Variants in THSD7B observed in about 807,000 individuals in gnomAD.
THSD7B encodes the protein thrombospondin type-1 domain-containing protein 7B.
A neutral mutation model predicts 213.6 loss-of-function variants in THSD7B; 138 were observed. The observed-to-expected ratio is 0.65, with a 90% CI of 0.56 to 0.74. The LOEUF (loss-of-function observed/expected upper bound fraction) is 0.74. Ranked by LOEUF, THSD7B falls within the 30% of genes least tolerant of loss-of-function variation. THSD7B has a pLI of 0.00. For synonymous variants in THSD7B, 742 were observed against 687.0 expected, an observed-to-expected ratio of 1.08 and a Z score of -1.25; for missense variants, 1,931 against 1,991.5, an observed-to-expected ratio of 0.97 and a Z score of 0.58.
At chr2:137,141,685 G>A (rs554021673) in intron 5 of THSD7B, among the ~76,000 whole-genome samples, 10 of 14,676 alleles carry the variant, frequency 6.8e-4, no homozygotes, top group African/African-American at 9.6e-4. Context: ...GTGTATGTGC[G>A]TGTGTGTGTG....
chr2:136,833,370 A>AAAC (rs1682789104), intron 1 of THSD7B, among the ~76,000 whole-genome samples: 1 of 140,368 alleles, frequency 7.1e-6, no homozygotes, highest in Non-Finnish European at 1.5e-5. Context: ...TCTCAAAAAA[A>AAAC]AAAAAAAAAA....
chr2:137,497,907 G>A (rs1184220287), intron 15 of THSD7B, among the ~76,000 whole-genome samples: 1 of 152,058 alleles, frequency 6.6e-6, no homozygotes, highest in Non-Finnish European at 1.5e-5. Context: ...AAACCCCAAG[G>A]AAATATTTTT....
chr2:136,963,101 A>G (rs1042513599), intron 2 of THSD7B, among the ~76,000 whole-genome samples: 7 of 152,228 alleles, frequency 4.6e-5, no homozygotes, highest in Non-Finnish European at 1.0e-4. Flanking sequence ...TTACAAAATT[A>G]AAACAATGTA....
chr2:137,385,196 AG>A (rs1368286699), intron 12 of THSD7B, among the ~76,000 whole-genome samples: 1 of 152,222 alleles, frequency 6.6e-6, no homozygotes, highest in Non-Finnish European at 1.5e-5. Context: ...ATTTTAAACA[AG>A]AAAGAAACTA....
chr2:137,238,465 G>A (rs12464826), intron 9 of THSD7B, among the ~76,000 whole-genome samples: 55,221 of 147,006 alleles, frequency 0.38, 10,247 homozygotes, highest in East Asian at 0.5. Context: ...ACTAAAGTAT[G>A]ATATAAATTT....
At chr2:137,500,025 T>A (rs1679664343) in intron 15 of THSD7B, among the ~76,000 whole-genome samples, 1 of 152,174 alleles carries the variant, frequency 6.6e-6, no homozygotes, top group South Asian at 2.1e-4. Flanking sequence ...TATGTAATCC[T>A]TGACAATACA....
At chr2:137,258,929 T>C (rs967545990) in intron 10 of THSD7B, among the ~76,000 whole-genome samples, 1 of 151,924 alleles carries the variant, frequency 6.6e-6, no homozygotes. Flanking sequence ...AGTGAGAACA[T>C]GCGGTGTTTG....
chr2:137,424,460 A>G (rs935376795), intron 14 of THSD7B, among the ~76,000 whole-genome samples: 1 of 152,220 alleles, frequency 6.6e-6, no homozygotes, highest in African/African-American at 2.4e-5. Flanking sequence ...GCCCTGATAA[A>G]TGTAGATGCA....
chr2:136,991,040 TG>T (rs1427699806), intron 2 of THSD7B: 1 of 940,242 alleles, frequency 1.1e-6, no homozygotes, highest in Non-Finnish European at 1.5e-6. Flanking sequence ...GAAAGAAAGA[TG>T]GTTATGTGTT....
intron 12 of THSD7B, among the ~76,000 whole-genome samples, chr2:137,352,281 G>A (rs1436486189): frequency 5.9e-5 from 9 of 151,962 alleles, no homozygotes; most frequent in Admixed American, 6.6e-5. Flanking sequence ...CCTCACTTTT[G>A]GCATCTGCCT....
chr2:137,659,589 G>T lies in THSD7B; in HGVS notation c.4376-75G>T, dbSNP rs1683303617. The T allele has an allele frequency of 4.3e-6, 6 of 1,405,612 alleles. No individual in the cohort carries two copies. The Admixed American group carries it at 9.6e-5, about 23-fold the overall frequency. 87.1% of individuals were successfully genotyped at this position (1,405,612 alleles called of 1,614,324 possible). ...TGTTGCAAAGAGGCCGGTGGCACAG[G>T]TTAAAAAAAAATACCAAAAAATTAG... is the stretch of plus-strand genomic sequence containing the variant. On this transcript the variant is annotated intron_variant, in intron 24 of 27. Transcript: ENST00000409968.
intron 14 of THSD7B, among the ~76,000 whole-genome samples, chr2:137,442,463 G>T (rs9967743): frequency 0.083 from 12,602 of 151,990 alleles, 1,104 homozygotes; most frequent in African/African-American, 0.22. Context: ...AGTCTCGGTG[G>T]TTGAAAGCCA....
rs70978233 is a variant in THSD7B, at chr2:137,512,382, C to CTTT, written c.3139-50814_3139-50812dup. ...AATGATTATTAGTTACATTTATTTC[C>CTTT]TTTTTTTTTTTTTTTTTTTTTTTTT... On this transcript the variant is annotated intron_variant, in intron 15 of 27. Coordinates refer to ENST00000409968, the MANE Select transcript of THSD7B (RefSeq NM_001316349.2). 3.5e-3 allele frequency among the ~76,000 whole-genome samples: 283 copies of CTTT among 81,370 alleles called. 29 individuals are homozygous for CTTT. The highest frequency in any genetic ancestry group is 0.013 in the Admixed American group (81 of 6,232). The allele number at this position is 81,370 out of a possible 152,430, so 53.4% of individuals were successfully genotyped here. A position where few individuals can be genotyped will look rare whatever the true frequency, so the allele number is the denominator to read the frequency against.
At chr2:136,891,325 G>T (rs1427855213) in intron 2 of THSD7B, among the ~76,000 whole-genome samples, 4 of 152,080 alleles carry the variant, frequency 2.6e-5, no homozygotes, top group African/African-American at 4.8e-5. Context: ...TAAAAGCGAG[G>T]CACTAAAACT....
intron 2 of THSD7B, among the ~76,000 whole-genome samples, chr2:136,919,987 A>G (rs1011409152): frequency 2.0e-5 from 3 of 152,258 alleles, no homozygotes; most frequent in African/African-American, 4.8e-5. Context: ...TCAGGATTGC[A>G]GAGCCCCAAA....
chr2:137,454,404 G>A (rs1163067784), intron 15 of THSD7B, among the ~76,000 whole-genome samples: 55 of 112,436 alleles, frequency 4.9e-4, no homozygotes, highest in African/African-American at 1.9e-3. Flanking sequence ...CTGTCTGTCT[G>A]TCTGTCTGTC....
chr2:137,259,150 G>A (rs1254903454), intron 10 of THSD7B, among the ~76,000 whole-genome samples: 2 of 152,168 alleles, frequency 1.3e-5, no homozygotes, highest in Non-Finnish European at 2.9e-5. Context: ...AAACATACAT[G>A]TGCATGTATC....
chr2:137,598,877 C>T (rs1463340416), intron 17 of THSD7B, among the ~76,000 whole-genome samples: 1 of 138,432 alleles, frequency 7.2e-6, no homozygotes, highest in East Asian at 2.1e-4. Context: ...CATTTTGGTT[C>T]TTTTTTTTTT....
At chr2:137,001,759 T>C (rs1419330595) in intron 2 of THSD7B, among the ~76,000 whole-genome samples, 1 of 152,160 alleles carries the variant, frequency 6.6e-6, no homozygotes, top group African/African-American at 2.4e-5. Context: ...ACCCACTTTT[T>C]CGAAACCACC....
Sources: allele counts gnomAD v4.1 joint callset (sites outside exome capture counted in the v4.1 genomes callset), GRCh38; gene constraint gnomAD v4.1.1; transcripts MANE v1.5; gene names NCBI Gene and HGNC (gene_info 2026-07-23, HGNC 2026-07-21).